Variants in VAV3 observed in about 807,000 individuals in gnomAD.
The protein encoded by VAV3 is guanine nucleotide exchange factor VAV3.
VAV3 carries 94 observed loss-of-function variants against 131.2 expected under a neutral mutation model. The observed-to-expected ratio is 0.72, with a 90% confidence interval of 0.61 to 0.85. The LOEUF is 0.85. Among genes scored for constraint, VAV3 ranks in the 40% least tolerant of loss-of-function variants. The pLI, the probability that VAV3 is intolerant of heterozygous loss-of-function variation, is 0.00. For missense variants in VAV3, 939 were observed against 1,002.7 expected, an observed-to-expected ratio of 0.94 and a Z score of 0.86; for synonymous variants, 349 against 342.0, an observed-to-expected ratio of 1.02 and a Z score of -0.22.
At chr1:107,924,262 A>G (rs1049047711) in intron 1 of VAV3, among the ~76,000 whole-genome samples, 1 of 152,180 alleles carries the variant, frequency 6.6e-6, no homozygotes, top group African/African-American at 2.4e-5. Flanking sequence ...TGTCATCGCT[A>G]TTTTAAAACT....
At chr1:107,793,601 G>A (rs1214941012) in intron 2 of VAV3, among the ~76,000 whole-genome samples, 1 of 152,190 alleles carries the variant, frequency 6.6e-6, no homozygotes, top group African/African-American at 2.4e-5. Context: ...AACACTTGGA[G>A]GTGAGGAGCT....
chr1:107,607,533 G>A (rs911392392), intron 22 of VAV3, among the ~76,000 whole-genome samples: 41 of 152,156 alleles, frequency 2.7e-4, no homozygotes, highest in African/African-American at 9.6e-4. Context: ...TCCAAATCTA[G>A]GCCCTACATG....
intron 10 of VAV3, among the ~76,000 whole-genome samples, 184 bp downstream of exon 10, chr1:107,760,600 T>C (rs1664355015): frequency 6.6e-6 from 1 of 152,198 alleles, no homozygotes; most frequent in African/African-American, 2.4e-5. Context: ...CTACTGACCA[T>C]CTCTGCTAAA....
chr1:107,688,481 A>G, intron 17 of VAV3, 75 bp from the exon 18 acceptor site: 6 of 1,602,308 alleles, frequency 3.7e-6, no homozygotes, highest in East Asian at 2.2e-5. Context: ...CTTTCTCTGC[A>G]GAGTGGTAAA....
chr1:107,888,953 C>T (rs948238582), intron 1 of VAV3, among the ~76,000 whole-genome samples: 1 of 152,092 alleles, frequency 6.6e-6, no homozygotes, highest in Non-Finnish European at 1.5e-5. Flanking sequence ...ATTTTACAAT[C>T]GGCGGCTTAG....
intron 25 of VAV3, among the ~76,000 whole-genome samples, chr1:107,588,656 C>T (rs1210914884): frequency 6.6e-6 from 1 of 152,106 alleles, no homozygotes; most frequent in East Asian, 1.9e-4. Flanking sequence ...TGTCACTTTC[C>T]TAGAAGGGAA....
chr1:107,732,607 C>A, intron 15 of VAV3, among the ~76,000 whole-genome samples: 1 of 152,240 alleles, frequency 6.6e-6, no homozygotes, highest in East Asian at 1.9e-4. Flanking sequence ...GCCTCGTTCA[C>A]TGCTAGCTCA....
At chr1:107,920,444 T>A (rs1430715797) in intron 1 of VAV3, among the ~76,000 whole-genome samples, 1 of 152,090 alleles carries the variant, frequency 6.6e-6, no homozygotes, top group African/African-American at 2.4e-5. Flanking sequence ...AACTTACGGG[T>A]GGTCCACCAA....
At position 107,902,286 on chromosome 1, in the gene VAV3, T is replaced by C. The variant is rs531637540; in HGVS notation, c.205-27269A>G. 1.8e-4 allele frequency among the ~76,000 whole-genome samples: 27 copies of C among 152,330 alleles called. 1 individual carries two copies. The South Asian group carries it at 3.3e-3, about 19-fold the overall frequency. On this transcript the variant is annotated intron_variant, in intron 1 of 26. Transcript: ENST00000370056. ...AAAGTGATTAAAAGGCCATCTGTGA[T>C]TGAATGTACAATATCTTTTTACATT... is the stretch of plus-strand genomic sequence containing the variant.
chr1:107,782,302 C>A (rs1263809135), intron 2 of VAV3, among the ~76,000 whole-genome samples: 1 of 151,958 alleles, frequency 6.6e-6, no homozygotes, highest in Non-Finnish European at 1.5e-5. Context: ...TATTCCTTTT[C>A]CCCCACCAAA....
intron 17 of VAV3, among the ~76,000 whole-genome samples, chr1:107,699,803 G>C (rs1350951694): frequency 6.6e-6 from 1 of 152,064 alleles, no homozygotes; most frequent in African/African-American, 2.4e-5. Flanking sequence ...AAGAAATCCA[G>C]GTTCAATTTC....
intron 2 of VAV3, among the ~76,000 whole-genome samples, chr1:107,805,427 C>T (rs1224952328): frequency 1.3e-5 from 2 of 152,154 alleles, no homozygotes; most frequent in Non-Finnish European, 2.9e-5. Context: ...TCTGCCTGAG[C>T]AATTGTGCTG....
At chr1:107,762,552 A>G (rs982215163) in intron 9 of VAV3, among the ~76,000 whole-genome samples, 1 of 152,198 alleles carries the variant, frequency 6.6e-6, no homozygotes. Context: ...TGTTAATATT[A>G]CTATAATTAG....
intron 4 of VAV3, 39 bp downstream of exon 4, chr1:107,777,192 T>C (rs1034780528): frequency 1.9e-6 from 3 of 1,564,242 alleles, no homozygotes; most frequent in Admixed American, 1.7e-5. Flanking sequence ...GACACATAAA[T>C]TGGCAGTGGC....
intron 2 of VAV3, chr1:107,862,547 A>T (rs187372773): frequency 5.3e-5 from 8 of 151,704 alleles, no homozygotes; most frequent in African/African-American, 1.9e-4. Context: ...TAGACAAGTA[A>T]ATTGACTATT....
At chr1:107,784,716 CACAG>C (rs935465540) in intron 2 of VAV3, among the ~76,000 whole-genome samples, 24 of 152,138 alleles carry the variant, frequency 1.6e-4, no homozygotes, top group African/African-American at 5.1e-4. Flanking sequence ...TCACCTAGTT[CACAG>C]ACAGGCTCAC....
Position 107,673,412 on chromosome 1 carries a change from C to T in VAV3, c.1777+10076G>A, listed in dbSNP as rs550909831. Among the ~76,000 whole-genome samples the T allele has an allele frequency of 2.0e-5, 3 of 152,316 alleles. No homozygotes were observed. In the South Asian group the frequency reaches 6.2e-4, roughly 32 times the overall value. On this transcript the variant is annotated intron_variant, in intron 19 of 26. Coordinates refer to ENST00000370056, the MANE Select transcript of VAV3 (RefSeq NM_006113.5). ...TCCTGTGCCTTCTCCAACTCAGGGCCTTTCTTGGAGCTGTTCCCTCTGCCT... is the reference window on the plus strand; with the variant it reads ...TCCTGTGCCTTCTCCAACTCAGGGCTTTTCTTGGAGCTGTTCCCTCTGCCT...
intron 1 of VAV3, among the ~76,000 whole-genome samples, chr1:107,937,153 G>A (rs1047139409): frequency 6.6e-6 from 1 of 152,108 alleles, no homozygotes; most frequent in Non-Finnish European, 1.5e-5. Context: ...TAATGCACAT[G>A]TGACACAAAA....
intron 21 of VAV3, among the ~76,000 whole-genome samples, chr1:107,611,506 T>G (rs140977777): frequency 4.9e-4 from 74 of 151,542 alleles, no homozygotes; most frequent in African/African-American, 1.7e-3. Flanking sequence ...TGAAATGTGA[T>G]GCGAAAAATA....
Sources: gnomAD v4.1 joint callset for allele counts (sites outside exome capture counted in the v4.1 genomes callset) on GRCh38, gnomAD v4.1.1 for gene constraint, MANE v1.5 for transcripts, NCBI Gene and HGNC (gene_info 2026-07-23, HGNC 2026-07-21) for gene names.